Variants in ARHGAP26 observed in about 807,000 individuals in gnomAD.
The protein encoded by ARHGAP26 is Rho GTPase activating protein 26.
ARHGAP26 carries 38 observed loss-of-function variants against 104.8 expected under a neutral mutation model. That is an observed-to-expected ratio of 0.36 (90% CI 0.28 to 0.48). ARHGAP26 has a LOEUF of 0.48. Among genes scored for constraint, ARHGAP26 ranks in the 20% least tolerant of loss-of-function variants. The pLI is 0.99. For synonymous variants in ARHGAP26, 341 were observed against 340.0 expected (o/e 1.00, Z -0.03); for missense variants, 704 against 947.9 (o/e 0.74, Z 3.38).
intron 12 of ARHGAP26, among the ~76,000 whole-genome samples, chr5:143,021,753 G>T (rs1219223459): frequency 1.3e-5 from 2 of 152,128 alleles, no homozygotes; most frequent in East Asian, 3.8e-4. Context: ...ATTACTCTTG[G>T]TTATTACTCT....
intron 20 of ARHGAP26, among the ~76,000 whole-genome samples, chr5:143,157,172 C>CTTTTT (rs56740224): frequency 1.4e-5 from 2 of 141,280 alleles, no homozygotes; most frequent in African/African-American, 2.7e-5. Context: ...CACATTCTTT[C>CTTTTT]TTTTTTTTTT....
chr5:142,975,764 A>G (rs900190175), intron 11 of ARHGAP26, among the ~76,000 whole-genome samples: 1 of 152,324 alleles, frequency 6.6e-6, no homozygotes, highest in East Asian at 1.9e-4. Flanking sequence ...ATTTTATAGG[A>G]TAAAAGTAGC....
intron 1 of ARHGAP26, among the ~76,000 whole-genome samples, chr5:142,851,680 G>A (rs553773221): frequency 6.6e-5 from 10 of 152,154 alleles, no homozygotes; most frequent in South Asian, 2.1e-4. Flanking sequence ...CTATGTGGCC[G>A]CCCCCTCCCT....
intron 20 of ARHGAP26, 24 bp from the exon 21 acceptor site, chr5:143,207,174 T>A: frequency 1.9e-6 from 3 of 1,607,198 alleles, no homozygotes; most frequent in Non-Finnish European, 1.7e-6. Flanking sequence ...TGCTGACAAG[T>A]TTTCTGGTTG....
At chr5:143,141,163 C>T (rs1042593876) in intron 19 of ARHGAP26, among the ~76,000 whole-genome samples, 7 of 152,174 alleles carry the variant, frequency 4.6e-5, no homozygotes, top group African/African-American at 9.7e-5. Flanking sequence ...AATTACTACA[C>T]GTGACTGAAA....
intron 11 of ARHGAP26, among the ~76,000 whole-genome samples, chr5:142,958,922 A>AAAG (rs146635091): frequency 0.48 from 71,215 of 147,412 alleles, 21,436 homozygotes; most frequent in East Asian, 0.91. Context: ...AAAAAAAAGA[A>AAAG]AAAAAAAAAG....
intron 19 of ARHGAP26, among the ~76,000 whole-genome samples, chr5:143,146,933 T>TG (rs1799233642): frequency 1.3e-5 from 2 of 152,188 alleles, no homozygotes; most frequent in African/African-American, 4.8e-5. Context: ...CAAAAGAAGA[T>TG]GCAATTTATG....
At chr5:143,126,021 C>G (rs1243696881) in intron 18 of ARHGAP26, among the ~76,000 whole-genome samples, 2 of 152,122 alleles carry the variant, frequency 1.3e-5, no homozygotes. Flanking sequence ...TACCATTAGC[C>G]AAAGATAAGT....
At chr5:142,958,267 C>T (rs1318214670) in intron 11 of ARHGAP26, among the ~76,000 whole-genome samples, 1 of 152,002 alleles carries the variant, frequency 6.6e-6, no homozygotes, top group Non-Finnish European at 1.5e-5. Context: ...TGTAAAATGC[C>T]TAAATATTTA....
intron 11 of ARHGAP26, among the ~76,000 whole-genome samples, chr5:142,948,951 A>T (rs1355361297): frequency 1.3e-5 from 2 of 151,844 alleles, no homozygotes; most frequent in Non-Finnish European, 2.9e-5. Context: ...CTAAAAATAC[A>T]AAAATTAGCC....
In ARHGAP26 at chr5:142,991,419, G is replaced by A. The variant is rs191513114; in HGVS notation, c.1108-22661G>A. On this transcript the variant is annotated intron_variant, in intron 11 of 22. Coordinates refer to ENST00000645722, the MANE Select transcript of ARHGAP26 (RefSeq NM_001135608.3). ...TGTCCCCTTGCACTTCCCAGGTAAG[G>A]TGATGCCTTGCCCTGCTTAGGCTCA... is the stretch of plus-strand genomic sequence containing the variant. Among the ~76,000 whole-genome samples the A allele has an allele frequency of 2.5e-3, 386 of 152,190 alleles. 2 individuals are homozygous for A. Among genetic ancestry groups the A allele is most frequent in the Non-Finnish European group, 1.8e-3 (125 of 68,020 alleles).
chr5:142,799,324 T>C (rs1761601880), intron 1 of ARHGAP26, among the ~76,000 whole-genome samples: 1 of 152,170 alleles, frequency 6.6e-6, no homozygotes, highest in Admixed American at 6.5e-5. Context: ...TCCAGAAGGA[T>C]AGGGTTCATG....
rs1290036035 is a variant in ARHGAP26 at position 143,222,478 on chromosome 5, C to T, written c.*32C>T. 1 of 1,533,830 alleles carries T rather than the reference C, an allele frequency of 6.5e-7. No homozygotes were observed. The highest frequency in any genetic ancestry group is 1.2e-5 in the South Asian group (1 of 82,690). On this transcript the variant is annotated 3_prime_UTR_variant, in exon 23 of 23. Coordinates refer to ENST00000645722, the MANE Select transcript of ARHGAP26 (RefSeq NM_001135608.3). ...GCCCCAGCAGAACTGCTGAGCTTTA[C>T]ATGGTATCCATGACAACTGCTGATT...
At chr5:142,844,202 C>G (rs1771423242) in intron 1 of ARHGAP26, among the ~76,000 whole-genome samples, 1 of 151,868 alleles carries the variant, frequency 6.6e-6, no homozygotes, top group Admixed American at 6.6e-5. Flanking sequence ...AGGTACCCAC[C>G]ACCACACCTG....
intron 1 of ARHGAP26, among the ~76,000 whole-genome samples, chr5:142,853,255 G>A (rs1751840479): frequency 6.6e-6 from 1 of 152,058 alleles, no homozygotes; most frequent in South Asian, 2.1e-4. Context: ...TACCATCTTG[G>A]CTCACTGCAA....
intron 1 of ARHGAP26, among the ~76,000 whole-genome samples, chr5:142,865,478 GTTTTTTTTTTTTTT>G (rs35950662): frequency 2.6e-5 from 3 of 117,224 alleles, no homozygotes; most frequent in South Asian, 2.9e-4. Flanking sequence ...ACACGGAGAA[GTTTTTTTTTTTTTT>G]TTTTTTTTTG....
At chr5:142,831,168 G>A (rs902089293) in intron 1 of ARHGAP26, among the ~76,000 whole-genome samples, 3 of 152,162 alleles carry the variant, frequency 2.0e-5, no homozygotes, top group African/African-American at 7.2e-5. Context: ...CCACCCTGTT[G>A]AGTTGGTTCT....
At chr5:143,096,274 T>A (rs1398699802) in intron 17 of ARHGAP26, among the ~76,000 whole-genome samples, 4 of 152,242 alleles carry the variant, frequency 2.6e-5, no homozygotes, top group African/African-American at 9.6e-5. Flanking sequence ...CCACTTATTT[T>A]AAAAAGTCAT....
In ARHGAP26 at chr5:143,028,636, C is replaced by T. The variant is rs114946262; in HGVS notation, c.1145-8560C>T. Among the ~76,000 whole-genome samples, 1,125 of 152,274 alleles carry T rather than the reference C, an allele frequency of 7.4e-3. 15 individuals are homozygous for T. The highest frequency in any genetic ancestry group is 0.026 in the African/African-American group (1,066 of 41,544). ...GTTGCTATACATTTCATTTGACCCTCGTAGCATCCTGTTGAGTTATCCCCA... is the reference window on the plus strand; with the variant it reads ...GTTGCTATACATTTCATTTGACCCTTGTAGCATCCTGTTGAGTTATCCCCA... On this transcript the variant is annotated intron_variant, in intron 12 of 22. Transcript: ENST00000645722.
Sources: gnomAD v4.1 joint callset for allele counts (sites outside exome capture counted in the v4.1 genomes callset) on GRCh38, gnomAD v4.1.1 for gene constraint, MANE v1.5 for transcripts, NCBI Gene and HGNC (gene_info 2026-07-23, HGNC 2026-07-21) for gene names.